CSMD1: variants seen among roughly 807,000 people sequenced by gnomAD.
The protein encoded by CSMD1 is CUB and Sushi multiple domains 1.
A neutral mutation model predicts 417.5 loss-of-function variants in CSMD1; 213 were observed. The ratio of observed to expected loss-of-function variants is 0.51; its 90% CI spans 0.46 to 0.57. CSMD1 has a LOEUF of 0.57. Ranked by LOEUF, CSMD1 falls within the 20% of genes least tolerant of loss-of-function variation. The pLI is 0.00. For missense variants in CSMD1, 6,923 were observed against 4,529.7 expected (o/e 1.53, Z -15.17); for synonymous variants, 2,862 against 1,736.8 (o/e 1.65, Z -16.11).
At position 3,345,363 on chromosome 8, in the gene CSMD1, C is replaced by T. The variant is rs147774396; in HGVS notation, c.3475-1913G>A. ...ACAATTCTGCGTTCTTTATCCATGT[C>T]ATCAGCAATCAGCACTGGGTCCAAC... On this transcript the variant is annotated intron_variant, in intron 22 of 69. Transcript: ENST00000635120. Among the ~76,000 whole-genome samples the T allele has an allele frequency of 2.9e-3, 434 of 152,254 alleles. 3 individuals are homozygous for T. The highest frequency in any genetic ancestry group is 9.7e-3 in the African/African-American group (405 of 41,542).
At chr8:4,437,013 C>G (rs1038489971) in intron 2 of CSMD1, among the ~76,000 whole-genome samples, 8 of 152,146 alleles carry the variant, frequency 5.3e-5, no homozygotes, top group African/African-American at 1.7e-4. Context: ...TCCTGATTCT[C>G]TCTATCCCTG....
chr8:3,337,718 G>A (rs1807362099), intron 23 of CSMD1, among the ~76,000 whole-genome samples: 1 of 152,104 alleles, frequency 6.6e-6, no homozygotes, highest in Non-Finnish European at 1.5e-5. Flanking sequence ...TAGGAGTTTG[G>A]GCACTGATCA....
chr8:3,191,349 G>T (rs948494880), intron 33 of CSMD1, among the ~76,000 whole-genome samples: 4 of 152,102 alleles, frequency 2.6e-5, no homozygotes, highest in Non-Finnish European at 5.9e-5. Flanking sequence ...CCAGCTGCTC[G>T]GGAGTCTGAG....
intron 9 of CSMD1, among the ~76,000 whole-genome samples, chr8:3,576,091 G>A (rs1227688795): frequency 2.6e-5 from 4 of 151,874 alleles, no homozygotes; most frequent in African/African-American, 4.8e-5. Context: ...TTCATTCCTT[G>A]AGTTTAACCC....
chr8:4,269,324 C>G (rs971826132), intron 3 of CSMD1, among the ~76,000 whole-genome samples: 3 of 152,154 alleles, frequency 2.0e-5, no homozygotes, highest in African/African-American at 7.2e-5. Flanking sequence ...CTGGCCTCCC[C>G]CAAAGTGCTG....
At position 4,146,594 on chromosome 8, in the gene CSMD1, A is replaced by ATT. The variant is rs71205423; in HGVS notation, c.416-114497_416-114496dup. On this transcript the variant is annotated intron_variant, in intron 3 of 69. Transcript: ENST00000635120. ...TCTGTCTAAATGTTTATATGGACAC[A>ATT]TTTTTTTTTTTTTTTTTTTTTTTTT... is the stretch of plus-strand genomic sequence containing the variant. Among the ~76,000 whole-genome samples the ATT allele has an allele frequency of 9.6e-4, 62 of 64,254 alleles. 1 individual carries two copies. The highest frequency in any genetic ancestry group is 3.6e-3 in the African/African-American group (44 of 12,386). The allele number at this position is 64,254 out of a possible 152,430, so 42.2% of individuals were successfully genotyped here.
chr8:3,609,909 C>T (rs1011707967), intron 8 of CSMD1, among the ~76,000 whole-genome samples: 16 of 126,542 alleles, frequency 1.3e-4, no homozygotes, highest in African/African-American at 4.7e-4. Flanking sequence ...TCAAACGATT[C>T]TCCTGCCTCA....
intron 10 of CSMD1, among the ~76,000 whole-genome samples, chr8:3,549,991 T>A (rs1273930899): frequency 6.6e-6 from 1 of 152,190 alleles, no homozygotes; most frequent in Non-Finnish European, 1.5e-5. Flanking sequence ...TTAATATATG[T>A]GTTGCTTATG....
At chr8:4,002,299 C>T (rs1007447185) in intron 4 of CSMD1, among the ~76,000 whole-genome samples, 3 of 152,062 alleles carry the variant, frequency 2.0e-5, no homozygotes, top group African/African-American at 7.2e-5. Context: ...GCTGTAAGTA[C>T]TTCTCTAACA....
At chr8:3,951,838 A>C (rs552606265) in intron 5 of CSMD1, among the ~76,000 whole-genome samples, 4 of 152,104 alleles carry the variant, frequency 2.6e-5, no homozygotes, top group African/African-American at 9.7e-5. Flanking sequence ...AGTTAACCCA[A>C]AAAGAAAAAT....
intron 3 of CSMD1, among the ~76,000 whole-genome samples, chr8:4,040,317 T>C (rs1307340601): frequency 6.6e-6 from 1 of 152,198 alleles, no homozygotes; most frequent in South Asian, 2.1e-4. Flanking sequence ...GTCGTTTATA[T>C]ATATTGAGTA....
chr8:3,147,061 T>C lies in CSMD1; in HGVS notation c.6031+4336A>G, dbSNP rs1315954825. 4.0e-5 allele frequency among the ~76,000 whole-genome samples: 6 copies of C among 148,360 alleles called. No individual in the cohort carries two copies. In the East Asian group the frequency reaches 8.1e-4, roughly 20 times the overall value. On this transcript the variant is annotated intron_variant, in intron 40 of 69. Transcript: ENST00000635120. ...GATAAGTGTTATTACTCAGAGTAAC[T>C]GGAGGAGCAACGCTTACTGGTAGGA...
intron 3 of CSMD1, among the ~76,000 whole-genome samples, chr8:4,366,234 T>C (rs1802061683): frequency 6.8e-6 from 1 of 147,850 alleles, no homozygotes; most frequent in South Asian, 2.2e-4. Context: ...TGCATCCATG[T>C]AGCTGCAAAA....
At chr8:3,731,763 T>C (rs1277742719) in intron 6 of CSMD1, among the ~76,000 whole-genome samples, 3 of 152,116 alleles carry the variant, frequency 2.0e-5, no homozygotes, top group Admixed American at 2.0e-4. Context: ...GCAATACCAA[T>C]ATTAATGGTA....
intron 12 of CSMD1, among the ~76,000 whole-genome samples, chr8:3,440,235 A>G (rs926887484): frequency 2.0e-5 from 3 of 152,046 alleles, no homozygotes; most frequent in African/African-American, 7.3e-5. Flanking sequence ...CTGTATATCA[A>G]TTTGGGAGAT....
At position 3,164,082 on chromosome 8, in the gene CSMD1, C is replaced by T. The variant is rs141135101; in HGVS notation, c.5726-1805G>A. Among the ~76,000 whole-genome samples the T allele has an allele frequency of 6.0e-4, 92 of 152,234 alleles. 1 individual carries two copies. Among genetic ancestry groups the T allele is most frequent in the African/African-American group, 2.0e-3 (82 of 41,544 alleles). On this transcript the variant is annotated intron_variant, in intron 37 of 69. Coordinates refer to ENST00000635120, the MANE Select transcript of CSMD1 (RefSeq NM_033225.6). Reference sequence around the variant, plus strand: ...CATCCCAAATCCTTCACCAGCTTGCCGAGTGTTTCCCCAAATCTGAGAGGG... The same window carrying T: ...CATCCCAAATCCTTCACCAGCTTGCTGAGTGTTTCCCCAAATCTGAGAGGG...
At chr8:4,284,160 G>C (rs930596442) in intron 3 of CSMD1, among the ~76,000 whole-genome samples, 2 of 152,090 alleles carry the variant, frequency 1.3e-5, no homozygotes, top group African/African-American at 4.8e-5. Context: ...CTGAGGTCAG[G>C]AGTTCCAGAC....
At chr8:4,648,084 CCTTA>C (rs769056084) in intron 1 of CSMD1, among the ~76,000 whole-genome samples, 13 of 152,256 alleles carry the variant, frequency 8.5e-5, no homozygotes, top group Non-Finnish European at 1.8e-4. Context: ...TCTGTTGTTT[CCTTA>C]CTTTTTAATA....
chr8:4,400,849 T>C (rs147078323), intron 3 of CSMD1, among the ~76,000 whole-genome samples: 112 of 152,190 alleles, frequency 7.4e-4, no homozygotes, highest in African/African-American at 2.6e-3. Context: ...ATTTTTTATT[T>C]AATAGCAGAA....
Sources: gnomAD v4.1 joint callset for allele counts (sites outside exome capture counted in the v4.1 genomes callset) on GRCh38, gnomAD v4.1.1 for gene constraint, MANE v1.5 for transcripts, NCBI Gene and HGNC (gene_info 2026-07-23, HGNC 2026-07-21) for gene names.